DSE: variants seen among roughly 807,000 people sequenced by gnomAD.
The protein encoded by DSE is dermatan sulfate epimerase.
Under a neutral mutation model 84.4 loss-of-function variants are expected in DSE, and 36 were observed. The observed-to-expected ratio is 0.43, with a 90% CI of 0.33 to 0.56. DSE has a LOEUF of 0.56. DSE is among the 20% of genes least tolerant of loss of function. The pLI, the probability that DSE is intolerant of heterozygous loss-of-function variation, is 0.06. For missense variants in DSE, 862 were observed against 1,169.6 expected (o/e 0.74, Z 3.84); for synonymous variants, 410 against 430.1 (o/e 0.95, Z 0.58).
intron 1 of DSE, among the ~76,000 whole-genome samples, chr6:116,376,146 A>G (rs1779911768): frequency 6.6e-6 from 1 of 152,106 alleles, no homozygotes; most frequent in South Asian, 2.1e-4. Context: ...TCCTAGACTA[A>G]TGTAACTGGC....
intron 2 of DSE, among the ~76,000 whole-genome samples, chr6:116,293,416 T>G (rs1774428064): frequency 6.6e-6 from 1 of 151,972 alleles, no homozygotes; most frequent in African/African-American, 2.4e-5. Context: ...GGACTACAGG[T>G]GTGCTCCACC....
chr6:116,434,808 T>C (rs1784051387), intron 5 of DSE, among the ~76,000 whole-genome samples: 1 of 152,144 alleles, frequency 6.6e-6, no homozygotes, highest in East Asian at 1.9e-4. Flanking sequence ...CAAACACCAA[T>C]AAGATTAACT....
intron 2 of DSE, chr6:116,280,391 G>A (rs1773449943): frequency 5.6e-6 from 1 of 178,630 alleles, no homozygotes; most frequent in Admixed American, 5.4e-5. Context: ...ACGGTTACTG[G>A]GGAAAAAAAG....
chr6:116,380,340 T>C (rs1373287196), intron 1 of DSE, among the ~76,000 whole-genome samples: 1 of 151,866 alleles, frequency 6.6e-6, no homozygotes, highest in African/African-American at 2.4e-5. Context: ...TAAAATCTGG[T>C]TGGAGAAGAA....
chr6:116,352,674 G>C (rs1342230489), intron 2 of DSE, among the ~76,000 whole-genome samples: 2 of 150,950 alleles, frequency 1.3e-5, no homozygotes, highest in Admixed American at 6.6e-5. Context: ...TGTTTGTGTT[G>C]AAGGAGTAAG....
intron 1 of DSE, among the ~76,000 whole-genome samples, chr6:116,397,210 T>TC (rs1781309229): frequency 2.6e-5 from 2 of 78,296 alleles, no homozygotes; most frequent in East Asian, 2.3e-4. Context: ...TTTCTTTCTT[T>TC]TTTTTTTTTT....
intron 2 of DSE, among the ~76,000 whole-genome samples, chr6:116,301,174 A>G (rs1316600393): frequency 6.6e-6 from 1 of 150,966 alleles, no homozygotes; most frequent in Non-Finnish European, 1.5e-5. Flanking sequence ...GGAGGGAGGG[A>G]GAGAGAGAGA....
rs1351512857 is a variant in DSE, at chr6:116,311,855, A to G, written c.-54+52888A>G. 2.0e-5 allele frequency among the ~76,000 whole-genome samples: 3 copies of G among 152,136 alleles called. No homozygotes were observed. In the East Asian group the frequency reaches 5.8e-4, roughly 29 times the overall value. ...TCTGTTCTTCTGCATGATAGTTATC[A>G]CCATCCAAAATTACATTTACTTATA... On this transcript the variant is annotated intron_variant, in intron 2 of 3. Transcript: ENST00000430252.
At chr6:116,366,363 T>G (rs934319308), upstream of DSE, 3 of 152,218 alleles carry the variant, frequency 2.0e-5, no homozygotes, top group African/African-American at 7.2e-5. Context: ...AAACGTGCCC[T>G]CTGCCAGGAA....
intron 1 of DSE, among the ~76,000 whole-genome samples, chr6:116,257,949 C>G (rs755954166): frequency 2.4e-4 from 36 of 152,194 alleles, no homozygotes; most frequent in Non-Finnish European, 4.1e-4. Context: ...TAAAGAGAAA[C>G]AAGAATTCAT....
intron 2 of DSE, among the ~76,000 whole-genome samples, chr6:116,362,199 G>A (rs1222501727): frequency 6.6e-6 from 1 of 152,238 alleles, no homozygotes; most frequent in Non-Finnish European, 1.5e-5. Context: ...TACAGTCTAA[G>A]TGTTAAGAAC....
intron 2 of DSE, among the ~76,000 whole-genome samples, chr6:116,342,410 T>C (rs1777665448): frequency 6.6e-6 from 1 of 151,694 alleles, no homozygotes; most frequent in South Asian, 2.1e-4. Flanking sequence ...GTCTCCTGAG[T>C]AGCTGGGATT....
intron 5 of DSE, among the ~76,000 whole-genome samples, chr6:116,435,379 A>T (rs1324520862): frequency 1.3e-5 from 2 of 152,158 alleles, no homozygotes; most frequent in Non-Finnish European, 2.9e-5. Context: ...AGGATCACAA[A>T]TGATAAAGAA....
intron 2 of DSE, among the ~76,000 whole-genome samples, chr6:116,363,097 A>G (rs755966594): frequency 2.6e-5 from 4 of 152,152 alleles, no homozygotes; most frequent in Admixed American, 1.3e-4. Context: ...AAATTTGTCA[A>G]TTTCAGGCAG....
At chr6:116,350,680 G>A (rs151210408) in intron 2 of DSE, among the ~76,000 whole-genome samples, 3 of 152,126 alleles carry the variant, frequency 2.0e-5, no homozygotes, top group African/African-American at 7.2e-5. Flanking sequence ...CTATTCCTTG[G>A]ACAGAAAAGT....
chr6:116,395,689 A>G (rs1356192403), intron 1 of DSE, among the ~76,000 whole-genome samples: 2 of 152,180 alleles, frequency 1.3e-5, no homozygotes, highest in African/African-American at 4.8e-5. Context: ...AAGTACGTAA[A>G]ATTAACGTAA....
chr6:116,324,830 C>T (rs1428923851), intron 2 of DSE, among the ~76,000 whole-genome samples: 2 of 152,186 alleles, frequency 1.3e-5, no homozygotes, highest in African/African-American at 4.8e-5. Flanking sequence ...GGGAGAGTTT[C>T]ACCCTTTTGG....
chr6:116,313,498 A>G (rs1775806568), intron 2 of DSE, among the ~76,000 whole-genome samples: 1 of 152,238 alleles, frequency 6.6e-6, no homozygotes, highest in Non-Finnish European at 1.5e-5. Context: ...TGATTTAGTA[A>G]TAATGATTGG....
At chr6:116,372,467 A>C (rs1779661006) in intron 1 of DSE, among the ~76,000 whole-genome samples, 1 of 152,222 alleles carries the variant, frequency 6.6e-6, no homozygotes, top group South Asian at 2.1e-4. Context: ...AAACAAAACA[A>C]AACAAAATTC....
Sources: gnomAD v4.1 joint callset for allele counts (sites outside exome capture counted in the v4.1 genomes callset) on GRCh38, gnomAD v4.1.1 for gene constraint, MANE v1.5 for transcripts, NCBI Gene and HGNC (gene_info 2026-07-23, HGNC 2026-07-21) for gene names.